The following STRBP variants were observed in gnomAD, a reference collection of about 807,000 sequenced individuals.
STRBP encodes spermatid perinuclear RNA-binding protein.
STRBP carries 13 observed loss-of-function variants against 80.1 expected under a neutral mutation model. The observed-to-expected ratio is 0.16, with a 90% CI of 0.11 to 0.26. The LOEUF (loss-of-function observed/expected upper bound fraction) is 0.26. Ranked by LOEUF, STRBP falls within the 10% of genes least tolerant of loss-of-function variation. The pLI is 1.00. For missense variants in STRBP, 485 were observed against 815.2 expected, an observed-to-expected ratio of 0.59 and a Z score of 4.93; for synonymous variants, 284 against 291.2, an observed-to-expected ratio of 0.98 and a Z score of 0.25.
intron 4 of STRBP, 140 bp from the exon 5 acceptor site, chr9:123,173,982 G>A (rs1221957724): frequency 1.1e-6 from 1 of 915,510 alleles, no homozygotes; most frequent in Non-Finnish European, 1.6e-6. Context: ...ACAAAATTAA[G>A]CCTCAGATTT....
chr9:123,124,718 TG>T lies in STRBP; in HGVS notation c.*878del. The T allele has an allele frequency of 1.0e-6, 1 of 985,414 alleles. No individual in the cohort carries two copies. The highest frequency in any genetic ancestry group is 1.2e-6 in the Non-Finnish European group (1 of 829,896). 61.0% of individuals were successfully genotyped at this position (985,414 alleles called of 1,614,324 possible). A position where few individuals can be genotyped will look rare whatever the true frequency, so the allele number is the denominator to read the frequency against. On this transcript the variant is annotated 3_prime_UTR_variant, in exon 19 of 19. Coordinates refer to ENST00000348403, the MANE Select transcript of STRBP (RefSeq NM_018387.5). Reference sequence around the variant, plus strand: ...ACAAGAACAAGAGAGGGTGATTGATTGATTAATTTATTATTTTTAAAAACTT... The same window carrying T: ...ACAAGAACAAGAGAGGGTGATTGATTATTAATTTATTATTTTTAAAAACTT...
intron 17 of STRBP, among the ~76,000 whole-genome samples, chr9:123,129,952 C>CA (rs1419386369): frequency 6.6e-6 from 1 of 151,834 alleles, no homozygotes; most frequent in Non-Finnish European, 1.5e-5. Context: ...GATCAGAGGC[C>CA]AAAAAAGAAA....
chr9:123,245,258 G>A lies in STRBP; in HGVS notation c.-301-8292C>T, dbSNP rs141732610. 4.9e-3 allele frequency among the ~76,000 whole-genome samples: 752 copies of A among 152,262 alleles called. 7 individuals carry two copies. Among genetic ancestry groups the A allele is most frequent in the African/African-American group, 0.018 (734 of 41,538 alleles). ...AGTGGGCTAACAAATTTCCCAGAGC[G>A]GGAGTTCTAAGCCTCATATGCACAC... is the stretch of plus-strand genomic sequence containing the variant. On this transcript the variant is annotated intron_variant, in intron 1 of 18. Coordinates refer to ENST00000348403, the MANE Select transcript of STRBP (RefSeq NM_018387.5).
chr9:123,133,259 G>C (rs2036216638), intron 16 of STRBP, among the ~76,000 whole-genome samples: 1 of 152,130 alleles, frequency 6.6e-6, no homozygotes, highest in African/African-American at 2.4e-5. Flanking sequence ...GTCATTTTAG[G>C]CCTTACTAAA....
At chr9:123,172,989 A>C (rs2038071904) in intron 5 of STRBP, among the ~76,000 whole-genome samples, 2 of 152,176 alleles carry the variant, frequency 1.3e-5, no homozygotes, top group Admixed American at 1.3e-4. Context: ...GACAATATGC[A>C]TCTGAAACTG....
intron 11 of STRBP, among the ~76,000 whole-genome samples, chr9:123,157,747 A>G (rs1044935159): frequency 6.6e-6 from 1 of 152,022 alleles, no homozygotes; most frequent in Non-Finnish European, 1.5e-5. Context: ...ACTCACTATC[A>G]CAACAACAGC....
chr9:123,163,953 A>G (rs2132407193), intron 6 of STRBP, among the ~76,000 whole-genome samples: 1 of 152,342 alleles, frequency 6.6e-6, no homozygotes, highest in South Asian at 2.1e-4. Context: ...TGACCAGTGA[A>G]ACAGATAAGA....
intron 2 of STRBP, among the ~76,000 whole-genome samples, chr9:123,218,443 C>T (rs1230326616): frequency 6.8e-6 from 1 of 146,012 alleles, no homozygotes; most frequent in Non-Finnish European, 1.5e-5. Context: ...AATCTCGGCT[C>T]ACTGCAAGCT....
At chr9:123,263,524 CAAAAAAAAAAAAAA>C (rs775297049) in intron 1 of STRBP, among the ~76,000 whole-genome samples, 1 of 64,226 alleles carries the variant, frequency 1.6e-5, no homozygotes, top group Non-Finnish European at 3.4e-5. Context: ...GACCCTGTCT[CAAAAAAAAAAAAAA>C]AAAAAAAAGG....
At chr9:123,197,493 G>A (rs1254819256) in intron 2 of STRBP, among the ~76,000 whole-genome samples, 5 of 151,704 alleles carry the variant, frequency 3.3e-5, no homozygotes, top group Admixed American at 2.0e-4. Flanking sequence ...TTAATCCCAG[G>A]CTCCCCTCCC....
intron 2 of STRBP, among the ~76,000 whole-genome samples, chr9:123,200,762 T>TTTTTTTTTTTG (rs1554762956): frequency 7.5e-6 from 1 of 133,486 alleles, no homozygotes; most frequent in Non-Finnish European, 1.6e-5. Context: ...TTTTTTTTTT[T>TTTTTTTTTTTG]AGTAGAGACC....
chr9:123,183,845 C>T (rs1250620804), intron 3 of STRBP, among the ~76,000 whole-genome samples: 1 of 152,172 alleles, frequency 6.6e-6, no homozygotes, highest in African/African-American at 2.4e-5. Context: ...CTATTTGTAT[C>T]AGTTTGCTAA....
rs1010726628 is a variant in STRBP, at chr9:123,132,923, C to T, written c.1819G>A (p.Val607Ile). Reference sequence around the variant, plus strand: ...AGAGTTCCTCTTCCTCTGCCCCGAACAGCTTGGACTGCTGCAGACACAGCT... The same window carrying T: ...AGAGTTCCTCTTCCTCTGCCCCGAATAGCTTGGACTGCTGCAGACACAGCT... ...NTAVSAAVQAVRGRGRGTLTR... is the reference protein window; with the variant it reads ...NTAVSAAVQAIRGRGRGTLTR... The change falls in exon 17 of 19, where the codon GTT becomes ATT. Residue 607 changes from valine (V) to isoleucine (I), a missense_variant. Transcript: ENST00000348403. 6.2e-7 allele frequency: 1 copy of T among 1,614,168 alleles called. No homozygotes were observed. The highest frequency in any genetic ancestry group is 8.5e-7 in the Non-Finnish European group (1 of 1,180,004).
chr9:123,138,236 G>A (rs2036442680), intron 14 of STRBP, among the ~76,000 whole-genome samples: 1 of 152,108 alleles, frequency 6.6e-6, no homozygotes, highest in Admixed American at 6.5e-5. Flanking sequence ...GTACTTAATG[G>A]TCTGGACCTC....
intron 1 of STRBP, among the ~76,000 whole-genome samples, chr9:123,239,162 T>C (rs1175422519): frequency 6.6e-6 from 1 of 152,004 alleles, no homozygotes; most frequent in Non-Finnish European, 1.5e-5. Flanking sequence ...GATCATGAGG[T>C]CAGGAGATTG....
chr9:123,251,638 T>C (rs949486269), intron 1 of STRBP, among the ~76,000 whole-genome samples: 2 of 152,186 alleles, frequency 1.3e-5, no homozygotes, highest in African/African-American at 4.8e-5. Flanking sequence ...GTCCCCTCCA[T>C]AGCTAATATT....
intron 9 of STRBP, 97 bp downstream of exon 9, chr9:123,158,999 A>T (rs1233592916): frequency 3.1e-6 from 3 of 959,126 alleles, no homozygotes; most frequent in Non-Finnish European, 4.9e-6. Flanking sequence ...CCTATGCATC[A>T]TTTTCCTGTG....
chr9:123,135,802 C>T, intron 16 of STRBP: 1 of 355,236 alleles, frequency 2.8e-6, no homozygotes, highest in South Asian at 4.1e-5. Context: ...CTAATAGCCT[C>T]ATATATACAT....
At chr9:123,262,680 C>T (rs958962762) in intron 1 of STRBP, among the ~76,000 whole-genome samples, 1 of 152,214 alleles carries the variant, frequency 6.6e-6, no homozygotes, top group African/African-American at 2.4e-5. Flanking sequence ...TTAAGAGAAT[C>T]TGAATACCAA....
Sources: allele counts gnomAD v4.1 joint callset (sites outside exome capture counted in the v4.1 genomes callset), GRCh38; gene constraint gnomAD v4.1.1; transcripts MANE v1.5; gene names NCBI Gene and HGNC (gene_info 2026-07-23, HGNC 2026-07-21).